Variants in GTF3C1 observed in about 807,000 individuals in gnomAD.
GTF3C1 encodes general transcription factor IIIC subunit 1, also known as general transcription factor 3C polypeptide 1.
GTF3C1 carries 57 observed loss-of-function variants against 226.7 expected under a neutral mutation model. The ratio of observed to expected loss-of-function variants is 0.25; its 90% CI spans 0.20 to 0.31. The LOEUF is 0.31. Ranked by LOEUF, GTF3C1 falls within the 10% of genes least tolerant of loss-of-function variation. The pLI, the probability that GTF3C1 is intolerant of heterozygous loss-of-function variation, is 1.00. For synonymous variants in GTF3C1, 1,090 were observed against 1,084.8 expected, an observed-to-expected ratio of 1.00 and a Z score of -0.09; for missense variants, 2,217 against 2,776.1, an observed-to-expected ratio of 0.80 and a Z score of 4.53.
chr16:27,509,533 G>A (rs1236202866), intron 7 of GTF3C1, among the ~76,000 whole-genome samples: 4 of 151,958 alleles, frequency 2.6e-5, no homozygotes, highest in South Asian at 2.1e-4. Context: ...TGAGGCGGGC[G>A]GATCACGAGG....
chr16:27,512,098 C>T (rs532972111), intron 6 of GTF3C1, among the ~76,000 whole-genome samples, 197 bp from the exon 7 acceptor site: 5 of 152,264 alleles, frequency 3.3e-5, no homozygotes, highest in Admixed American at 2.0e-4. Flanking sequence ...CATAAAGCTG[C>T]TTTTTGTTTT....
chr16:27,525,731 G>C (rs2088822331), intron 6 of GTF3C1, among the ~76,000 whole-genome samples: 1 of 152,230 alleles, frequency 6.6e-6, no homozygotes, highest in Admixed American at 6.5e-5. Flanking sequence ...CTCCTGAGGA[G>C]TGTGAATGAA....
Position 27,461,812 on chromosome 16 carries a change from T to G in GTF3C1, c.6118-250A>C. The G allele has an allele frequency of 1.9e-6, 1 of 531,068 alleles. No homozygotes were observed. Among genetic ancestry groups the G allele is most frequent in the East Asian group, 3.0e-5 (1 of 33,142 alleles). The allele number at this position is 531,068 out of a possible 1,614,324, so 32.9% of individuals were successfully genotyped here. A position where few individuals can be genotyped will look rare whatever the true frequency, so the allele number is the denominator to read the frequency against. On this transcript the variant is annotated intron_variant, in intron 36 of 36. Coordinates refer to ENST00000356183, the MANE Select transcript of GTF3C1 (RefSeq NM_001520.4). This position sits in a 1 kb window ranked among gnomAD's most constrained non-coding sequence, Gnocchi z 5.3. ...GAGCCACCACGCTGAATCTCATTTGTGGAGGAGAGGCCTGCAGCGCGGGAT... is the reference window on the plus strand; with the variant it reads ...GAGCCACCACGCTGAATCTCATTTGGGGAGGAGAGGCCTGCAGCGCGGGAT...
intron 10 of GTF3C1, among the ~76,000 whole-genome samples, chr16:27,505,184 C>T (rs114243242): frequency 0.012 from 1,895 of 152,228 alleles, 25 homozygotes; most frequent in African/African-American, 0.026. Context: ...ATTATATTGA[C>T]GAAAGTACTG....
Position 27,549,877 on chromosome 16 carries a change from T to C in GTF3C1, c.14A>G (p.Glu5Gly). 6.2e-7 allele frequency: 1 copy of C among 1,611,492 alleles called. No individual in the cohort carries two copies. Among genetic ancestry groups the C allele is most frequent in the Non-Finnish European group, 8.5e-7 (1 of 1,178,512 alleles). The change falls in exon 1 of 37, where the codon GAG (glutamate) becomes GGG (glycine). Residue 5 changes from glutamate (E) to glycine (G), a missense_variant. Physicochemically the swap from Glu to Gly is moderately conservative, Grantham distance 98. This residue lies in a region of GTF3C1 where 192 missense variants were observed against 251.8 expected (regional missense o/e 0.76). Transcript: ENST00000356183. The stretch of plus-strand genomic sequence containing the variant: ...CAGAGCGACTTCGTCCAACAACGAC[T>C]CCAGCGCGTCCATTGCTACTTCAGT... MDAL[E>G]SLLDEVALEG...
chr16:27,474,615 G>A (rs535817198), intron 29 of GTF3C1, among the ~76,000 whole-genome samples: 2 of 152,276 alleles, frequency 1.3e-5, no homozygotes, highest in African/African-American at 4.8e-5. Flanking sequence ...TTAAACAAGC[G>A]TGAGACCAAT....
At position 27,486,042 on chromosome 16, in the gene GTF3C1, C is replaced by G. The variant is rs577135031; in HGVS notation, c.3813G>C (p.Gly1271=). 4 of 1,612,096 alleles carry G rather than the reference C, an allele frequency of 2.5e-6. No individual in the cohort carries two copies. In the African/African-American group the frequency reaches 5.3e-5, roughly 22 times the overall value. ...LRVTWSMQED[G]LLVLCRIASN... is the part of the protein sequence containing the mutation. Reference sequence around the variant, plus strand: ...TGGCAATGCGGCACAGCACAAGCAGCCCATCCTCCTGCATAGACCAGGTGA... The same window carrying G: ...TGGCAATGCGGCACAGCACAAGCAGGCCATCCTCCTGCATAGACCAGGTGA... The change falls in exon 24 of 37, where the codon GGG becomes GGC. Residue 1271 remains glycine, a synonymous_variant. Transcript: ENST00000356183.
Position 27,463,364 on chromosome 16 carries a change from C to A in GTF3C1, c.5924+177G>T. ...ACCTGGGCACTGCCAGTGCTCAGCA[C>A]GCCTGCTGCTCGCCCACTGCGCCCC... On this transcript the variant is annotated intron_variant, in intron 35 of 36. Coordinates refer to ENST00000356183, the MANE Select transcript of GTF3C1 (RefSeq NM_001520.4). This position sits in a 1 kb window ranked among gnomAD's most constrained non-coding sequence, Gnocchi z 4.9. The A allele has an allele frequency of 3.1e-6, 2 of 651,794 alleles. No individual in the cohort carries two copies. The highest frequency in any genetic ancestry group is 4.3e-4 in the Middle Eastern group (1 of 2,350). The allele number at this position is 651,794 out of a possible 1,614,324, so 40.4% of individuals were successfully genotyped here.
In GTF3C1 at chr16:27,507,468, C is replaced by T. The variant is rs893247327; in HGVS notation, c.1243-312G>A. Among the ~76,000 whole-genome samples, 2 of 152,150 alleles carry T rather than the reference C, an allele frequency of 1.3e-5. No individual in the cohort carries two copies. Among genetic ancestry groups the T allele is most frequent in the African/African-American group, 2.4e-5 (1 of 41,396 alleles). On this transcript the variant is annotated intron_variant, in intron 8 of 36. Transcript: ENST00000356183. The surrounding 1 kb of genome is among the most constrained non-coding windows in gnomAD (Gnocchi z 4.9). ...TATAGCCCCAGTGGCTGGGACAGGACGTGGCCCACACAAAATGGACAGTAC... is the reference window on the plus strand; with the variant it reads ...TATAGCCCCAGTGGCTGGGACAGGATGTGGCCCACACAAAATGGACAGTAC...
chr16:27,537,649 T>A (rs1417543936), intron 4 of GTF3C1, 135 bp downstream of exon 4: 2 of 637,042 alleles, frequency 3.1e-6, no homozygotes, highest in Non-Finnish European at 5.6e-6. Context: ...CTCAAGCAGT[T>A]CTCCCACCTC....
chr16:27,467,355 T>C (rs956696734), intron 32 of GTF3C1, among the ~76,000 whole-genome samples: 2 of 152,226 alleles, frequency 1.3e-5, no homozygotes, highest in Non-Finnish European at 2.9e-5. Flanking sequence ...CTGTTTACAA[T>C]GTGGCTTACT....
At chr16:27,529,461 T>C (rs1011518710) in intron 5 of GTF3C1, among the ~76,000 whole-genome samples, 3 of 149,344 alleles carry the variant, frequency 2.0e-5, no homozygotes, top group Non-Finnish European at 4.4e-5. Context: ...AAAAAAATTG[T>C]GAAAATTTAA....
intron 1 of GTF3C1, 68 bp downstream of exon 1, chr16:27,549,602 C>T: frequency 1.2e-6 from 1 of 812,454 alleles, no homozygotes. Flanking sequence ...CCCGCCCTGC[C>T]CCCAGCTCCA....
At chr16:27,478,446 C>T in intron 28 of GTF3C1, 23 bp downstream of exon 28, 1 of 1,491,586 alleles carries the variant, frequency 6.7e-7, no homozygotes, top group East Asian at 2.3e-5. Context: ...TGAGGAAAAG[C>T]TACTCTATAT....
chr16:27,484,377 CA>C, intron 24 of GTF3C1, 24 bp from the exon 25 acceptor site: 1 of 1,577,082 alleles, frequency 6.3e-7, no homozygotes, highest in Non-Finnish European at 8.7e-7. Flanking sequence ...AGAGCCAAGA[CA>C]AAAAGTCAGT....
chr16:27,527,552 T>C (rs1424343656), intron 6 of GTF3C1, among the ~76,000 whole-genome samples: 5 of 152,232 alleles, frequency 3.3e-5, no homozygotes, highest in Admixed American at 3.3e-4. Flanking sequence ...AGATCCTACC[T>C]CTGCTGAGTA....
chr16:27,465,288 C>T lies in GTF3C1; in HGVS notation c.5327G>A (p.Arg1776His), dbSNP rs928444012. 7.4e-6 allele frequency: 12 copies of T among 1,614,004 alleles called. No homozygotes were observed. Among genetic ancestry groups the T allele is most frequent in the East Asian group, 4.5e-5 (2 of 44,892 alleles). The change falls in exon 33 of 37, where the codon CGC (arginine) becomes CAC (histidine). Residue 1776 changes from arginine (R) to histidine (H), a missense_variant. By Grantham distance (29) the Arg-to-His change is conservative. Coordinates refer to ENST00000356183, the MANE Select transcript of GTF3C1 (RefSeq NM_001520.4). ...FSALEKAGGG[R>H]TRTFADCIQA... ...GATGCAATCTGCGAATGTCCTGGTG[C>T]GCCCACCACCTGCCTTCTCCAAGGC...
chr16:27,548,416 G>A (rs776559419), intron 1 of GTF3C1, among the ~76,000 whole-genome samples: 1 of 152,002 alleles, frequency 6.6e-6, no homozygotes, highest in Non-Finnish European at 1.5e-5. Flanking sequence ...ACAGGCATGC[G>A]CCACCACGCC....
intron 27 of GTF3C1, 147 bp downstream of exon 27, chr16:27,480,932 G>T (rs1013490943): frequency 1.7e-5 from 11 of 647,258 alleles, no homozygotes; most frequent in Non-Finnish European, 2.5e-5. Context: ...AGTCACCCAT[G>T]AGAGGAGAGA....
Sources: gnomAD v4.1 joint callset for allele counts (sites outside exome capture counted in the v4.1 genomes callset) on GRCh38, gnomAD v4.1.1 for gene constraint, gnomAD v4.1.1 regional missense constraint, Gnocchi (gnomAD v3.1) non-coding constraint, MANE v1.5 for transcripts, NCBI Gene and HGNC (gene_info 2026-07-23, HGNC 2026-07-21) for gene names.